The following POU2AF3 variants were observed in gnomAD, a reference collection of about 807,000 sequenced individuals.
The protein encoded by POU2AF3 is cancer susceptibility candidate 13.
the POU2AF3 span, among the ~76,000 whole-genome samples, chr11:111,301,467 C>T: frequency 6.6e-6 from 1 of 151,974 alleles, no homozygotes; most frequent in African/African-American, 2.4e-5. Flanking sequence ...TTCTCCAGCC[C>T]ATTGGCATCT....
At chr11:111,299,057 C>T in the POU2AF3 span, 2 of 988,780 alleles carry the variant, frequency 2.0e-6, no homozygotes, top group African/African-American at 1.7e-5. Flanking sequence ...GGTGGGGCTG[C>T]GGTAGGCTGG....
the POU2AF3 span, chr11:111,304,879 C>T: frequency 9.1e-7 from 1 of 1,099,742 alleles, no homozygotes; most frequent in Non-Finnish European, 1.2e-6. Flanking sequence ...GCTTTCCCTT[C>T]AGAGCATTTC....
At chr11:111,308,157 A>G in the POU2AF3 span, 1 of 1,551,718 alleles carries the variant, frequency 6.4e-7, no homozygotes, top group Admixed American at 2.0e-5. Context: ...TATGCTCCAG[A>G]GAATTACAAT....
the POU2AF3 span, among the ~76,000 whole-genome samples, chr11:111,307,875 A>G: frequency 3.3e-5 from 5 of 152,224 alleles, no homozygotes; most frequent in South Asian, 2.1e-4. Context: ...ATAGGTAACT[A>G]TAGATTGTGG....
the POU2AF3 span, chr11:111,308,372 C>T: frequency 6.4e-7 from 1 of 1,551,666 alleles, no homozygotes; most frequent in Non-Finnish European, 8.7e-7. Flanking sequence ...GGACTTTGCC[C>T]CCTCAGCAGC....
At chr11:111,306,515 C>A in the POU2AF3 span, 9 of 1,547,390 alleles carry the variant, frequency 5.8e-6, no homozygotes, top group Non-Finnish European at 1.7e-6. Context: ...TTGATTCCTA[C>A]CTTCAGACAG....
the POU2AF3 span, chr11:111,300,209 C>G: frequency 3.1e-6 from 1 of 325,872 alleles, no homozygotes; most frequent in African/African-American, 2.1e-5. Flanking sequence ...GTGGTGGGCT[C>G]CGCTGCACTG....
chr11:111,298,825 G>GGCCGGC, the POU2AF3 span: 5 of 852,672 alleles, frequency 5.9e-6, no homozygotes, highest in Non-Finnish European at 7.7e-6. Context: ...GCGTACCCCA[G>GGCCGGC]GCCCCCGCCC....
chr11:111,308,429 T>C, the POU2AF3 span: 3 of 1,546,542 alleles, frequency 1.9e-6, no homozygotes, highest in Non-Finnish European at 2.6e-6. Context: ...TGACATCTGC[T>C]ATAGTTAATA....
At chr11:111,302,211 G>A in the POU2AF3 span, among the ~76,000 whole-genome samples, 5 of 152,200 alleles carry the variant, frequency 3.3e-5, no homozygotes, top group Admixed American at 6.5e-5. Context: ...TTTTCTTAGT[G>A]TAATATAAAA....
the POU2AF3 span, chr11:111,306,414 C>G: frequency 6.8e-7 from 1 of 1,462,732 alleles, no homozygotes; most frequent in Non-Finnish European, 9.0e-7. Flanking sequence ...TGAGCCTGAA[C>G]CAATTTCTTC....
At chr11:111,303,128 G>A in the POU2AF3 span, among the ~76,000 whole-genome samples, 1 of 152,226 alleles carries the variant, frequency 6.6e-6, no homozygotes, top group African/African-American at 2.4e-5. Flanking sequence ...CAGACATTCA[G>A]TAAAGAATTC....
At chr11:111,308,111 T>C in the POU2AF3 span, 1 of 1,541,706 alleles carries the variant, frequency 6.5e-7, no homozygotes, top group Admixed American at 2.0e-5. Flanking sequence ...CTCTGGCTCC[T>C]TAGACTACAG....
At chr11:111,308,062 T>C in the POU2AF3 span, 1 of 1,478,850 alleles carries the variant, frequency 6.8e-7, no homozygotes, top group Non-Finnish European at 9.0e-7. Context: ...GGTTGTCATT[T>C]CTCTAGATCC....
chr11:111,303,580 C>CTCTACAATGAGGCAGATTTTTTA, the POU2AF3 span, among the ~76,000 whole-genome samples: 2 of 152,198 alleles, frequency 1.3e-5, no homozygotes, highest in African/African-American at 4.8e-5. Context: ...TTAAGGAAAG[C>CTCTACAATGAGGCAGATTTTTTA]TCTACAATGA....
the POU2AF3 span, chr11:111,306,491 C>T: frequency 6.5e-7 from 1 of 1,531,452 alleles, no homozygotes; most frequent in African/African-American, 1.4e-5. Flanking sequence ...ACTCAAGCTG[C>T]CTCGACCAGA....
At chr11:111,305,367 C>G in the POU2AF3 span, among the ~76,000 whole-genome samples, 1 of 152,178 alleles carries the variant, frequency 6.6e-6, no homozygotes, top group Non-Finnish European at 1.5e-5. Context: ...TTGCTCTGTT[C>G]CTTTAGTTTC....
chr11:111,299,925 G>A, the POU2AF3 span: 2 of 422,046 alleles, frequency 4.7e-6, no homozygotes, highest in African/African-American at 2.0e-5. Context: ...GCCCAGGACG[G>A]GGCTGGCCAA....
At chr11:111,300,981 T>C in the POU2AF3 span, among the ~76,000 whole-genome samples, 1 of 152,094 alleles carries the variant, frequency 6.6e-6, no homozygotes, top group East Asian at 1.9e-4. Context: ...CCATAGAAAA[T>C]CTCTCCCAGA....
Sources: allele counts gnomAD v4.1 joint callset (sites outside exome capture counted in the v4.1 genomes callset), GRCh38; gene constraint gnomAD v4.1.1; transcripts MANE v1.5; gene names NCBI Gene and HGNC (gene_info 2026-07-23, HGNC 2026-07-21).